Variants in SNX13 observed in about 807,000 individuals in gnomAD.
SNX13 encodes sorting nexin-13.
In SNX13, 45 loss-of-function variants were observed where a neutral mutation model predicts 133.6. The ratio of observed to expected loss-of-function variants is 0.34; its 90% CI spans 0.27 to 0.43. The LOEUF (loss-of-function observed/expected upper bound fraction) is 0.43. Ranked by LOEUF, SNX13 falls within the 20% of genes least tolerant of loss-of-function variation. The pLI is 1.00. For missense variants in SNX13, 1,032 were observed against 1,145.1 expected, an observed-to-expected ratio of 0.90 and a Z score of 1.43; for synonymous variants, 414 against 373.9, an observed-to-expected ratio of 1.11 and a Z score of -1.24.
rs1792978007 is a variant in SNX13 at position 17,863,381 on chromosome 7, C to T, written c.837+5026G>A. Among the ~76,000 whole-genome samples the T allele has an allele frequency of 2.6e-5, 4 of 152,170 alleles. No individual in the cohort carries two copies. The South Asian group carries it at 8.3e-4, about 32-fold the overall frequency. On this transcript the variant is annotated intron_variant, in intron 9 of 25. Coordinates refer to ENST00000428135, the MANE Select transcript of SNX13 (RefSeq NM_015132.5). ...GCAGAGTGTCTGTGTCATCCCTCCA[C>T]CACTTCCAGGCAGTGTAACTCCAGC... is the stretch of plus-strand genomic sequence containing the variant.
chr7:17,812,726 G>GA (rs1323760517), intron 20 of SNX13, among the ~76,000 whole-genome samples: 1 of 152,062 alleles, frequency 6.6e-6, no homozygotes, highest in East Asian at 1.9e-4. Context: ...TTCAAAATAG[G>GA]AAAGACTTGG....
chr7:17,849,736 T>C (rs1285493539), intron 11 of SNX13, among the ~76,000 whole-genome samples: 1 of 152,186 alleles, frequency 6.6e-6, no homozygotes, highest in African/African-American at 2.4e-5. Flanking sequence ...TGCCCCTGCA[T>C]TTGCTCTCAT....
chr7:17,805,272 T>TGCGCGCGCGCGCGCGC (rs1554304470), intron 20 of SNX13, among the ~76,000 whole-genome samples: 1 of 80,754 alleles, frequency 1.2e-5, no homozygotes, highest in Non-Finnish European at 3.0e-5. Flanking sequence ...CGCGCATGCA[T>TGCGCGCGCGCGCGCGC]GCACATGTGT....
intron 5 of SNX13, among the ~76,000 whole-genome samples, chr7:17,877,163 T>G (rs1288929157): frequency 1.3e-5 from 2 of 149,244 alleles, no homozygotes; most frequent in Non-Finnish European, 3.0e-5. Flanking sequence ...TACATGAAAC[T>G]AAAGAGAAAG....
intron 1 of SNX13, among the ~76,000 whole-genome samples, chr7:17,935,655 T>TAAGAGGA (rs1801934915): frequency 6.6e-6 from 1 of 152,304 alleles, no homozygotes; most frequent in Non-Finnish European, 1.5e-5. Flanking sequence ...TAAGAATGTT[T>TAAGAGGA]ATCAATATTC....
In SNX13 at chr7:17,803,490, T is replaced by C. The variant is rs1784859497; in HGVS notation, c.2155A>G (p.Thr719Ala). The change falls in exon 21 of 26, where the codon ACT becomes GCT. Residue 719 changes from threonine to alanine, a missense_variant. Physicochemically the swap from Thr to Ala is moderately conservative, Grantham distance 58. Coordinates refer to ENST00000428135, the MANE Select transcript of SNX13 (RefSeq NM_015132.5). ...SLPDSLAEGM[T>A]KMSDNMGKMS... ...TTGCCCATGTTGTCTGACATTTTAGTCATTCCCTCTGCCAAGCTATCAGGA... is the reference window on the plus strand; with the variant it reads ...TTGCCCATGTTGTCTGACATTTTAGCCATTCCCTCTGCCAAGCTATCAGGA... 6.2e-7 allele frequency: 1 copy of C among 1,612,596 alleles called. No individual in the cohort carries two copies. The highest frequency in any genetic ancestry group is 1.3e-5 in the African/African-American group (1 of 74,914).
At chr7:17,803,340 G>T in intron 21 of SNX13, 79 bp downstream of exon 21, 1 of 1,353,282 alleles carries the variant, frequency 7.4e-7, no homozygotes, top group East Asian at 2.5e-5. Flanking sequence ...AGGGACTAAG[G>T]TAAATCCAAC....
chr7:17,831,896 C>G, intron 15 of SNX13: 1 of 984,246 alleles, frequency 1.0e-6, no homozygotes, highest in Non-Finnish European at 1.2e-6. Flanking sequence ...TAAACACTGA[C>G]AAAGACAACA....
At chr7:17,846,233 CA>C (rs1437002049) in intron 11 of SNX13, among the ~76,000 whole-genome samples, 1 of 150,210 alleles carries the variant, frequency 6.7e-6, no homozygotes, top group East Asian at 1.9e-4. Flanking sequence ...AGCAAGGAAA[CA>C]ACCTACATAT....
At chr7:17,868,208 A>G in intron 9 of SNX13, 199 bp downstream of exon 9, 1 of 518,418 alleles carries the variant, frequency 1.9e-6, no homozygotes, top group East Asian at 3.4e-5. Flanking sequence ...AAGATAATCA[A>G]CAAAATTCTT....
rs1362767323 is a variant in SNX13, at chr7:17,793,953, G to A, written c.*92C>T. 1.4e-6 allele frequency: 2 copies of A among 1,391,702 alleles called. No homozygotes were observed. 86.2% of individuals were successfully genotyped at this position (1,391,702 alleles called of 1,614,324 possible). ...TATTTTGAGACACTAAAAGACTGGT[G>A]CAGACACAACAGTATTTGAGTTAAG... On this transcript the variant is annotated 3_prime_UTR_variant, in exon 26 of 26. Coordinates refer to ENST00000428135, the MANE Select transcript of SNX13 (RefSeq NM_015132.5).
At chr7:17,801,765 G>C (rs1784672753) in intron 21 of SNX13, 106 bp from the exon 22 acceptor site, 3 of 787,574 alleles carry the variant, frequency 3.8e-6, no homozygotes, top group Middle Eastern at 4.7e-4. Flanking sequence ...TCTGACTTTT[G>C]GTACAATATA....
At chr7:17,797,782 A>T (rs1209179412) in intron 24 of SNX13, among the ~76,000 whole-genome samples, 2 of 151,864 alleles carry the variant, frequency 1.3e-5, no homozygotes, top group South Asian at 4.1e-4. Context: ...AAATAAAATG[A>T]ACATGCCAGG....
intron 20 of SNX13, among the ~76,000 whole-genome samples, chr7:17,804,598 T>C (rs1297041466): frequency 6.6e-6 from 1 of 151,882 alleles, no homozygotes; most frequent in Non-Finnish European, 1.5e-5. Context: ...ATTAAAATAA[T>C]TTACATTAAT....
intron 1 of SNX13, among the ~76,000 whole-genome samples, chr7:17,933,890 A>G (rs978877306): frequency 1.3e-5 from 2 of 152,182 alleles, no homozygotes; most frequent in Non-Finnish European, 2.9e-5. Context: ...TATGATCTTC[A>G]TAACAATGTA....
intron 8 of SNX13, among the ~76,000 whole-genome samples, chr7:17,869,713 C>A (rs931406562): frequency 3.3e-5 from 5 of 152,226 alleles, no homozygotes; most frequent in Admixed American, 2.0e-4. Flanking sequence ...AGACACTTTG[C>A]AGTCTGAAAT....
chr7:17,829,573 A>G (rs748031636), intron 16 of SNX13, among the ~76,000 whole-genome samples: 1 of 151,402 alleles, frequency 6.6e-6, no homozygotes, highest in East Asian at 1.9e-4. Context: ...AGAAATATCT[A>G]TTCGGTTTTG....
Position 17,791,478 on chromosome 7 carries a change from G to T in SNX13, c.*2567C>A, listed in dbSNP as rs1457606307. ...ACTATTTGGAATATCCTAATTATAG[G>T]AAATGCCCATCTAAGTGATATATTT... On this transcript the variant is annotated 3_prime_UTR_variant, in exon 26 of 26. Coordinates refer to ENST00000428135, the MANE Select transcript of SNX13 (RefSeq NM_015132.5). 1 of 151,474 alleles carries T rather than the reference G, an allele frequency of 6.6e-6. No individual in the cohort carries two copies. The highest frequency in any genetic ancestry group is 1.9e-4 in the East Asian group (1 of 5,186). The allele number at this position is 151,474 out of a possible 1,614,324, so 9.4% of individuals were successfully genotyped here. A position where few individuals can be genotyped will look rare whatever the true frequency, so the allele number is the denominator to read the frequency against.
intron 5 of SNX13, chr7:17,881,636 A>C (rs1405405060): frequency 6.6e-6 from 1 of 152,128 alleles, no homozygotes; most frequent in African/African-American, 2.4e-5. Context: ...AAAGCAACTG[A>C]GTGGCTTATC....
Sources: allele counts gnomAD v4.1 joint callset (sites outside exome capture counted in the v4.1 genomes callset), GRCh38; gene constraint gnomAD v4.1.1; transcripts MANE v1.5; gene names NCBI Gene and HGNC (gene_info 2026-07-23, HGNC 2026-07-21).